Variants in FER1L5 observed in about 807,000 individuals in gnomAD.
FER1L5 encodes the protein fer-1-like protein 5.
A neutral mutation model predicts 279.9 loss-of-function variants in FER1L5; 187 were observed. That is an observed-to-expected ratio of 0.67 (90% CI 0.59 to 0.75). The LOEUF (loss-of-function observed/expected upper bound fraction) is 0.75, where lower values mean the gene tolerates loss of function less well. Among genes scored for constraint, FER1L5 ranks in the 30% least tolerant of loss-of-function variants. The pLI is 0.00. For synonymous variants in FER1L5, 921 were observed against 989.7 expected, an observed-to-expected ratio of 0.93 and a Z score of 1.30; for missense variants, 2,091 against 2,594.4, an observed-to-expected ratio of 0.81 and a Z score of 4.21.
intron 4 of FER1L5, 104 bp downstream of exon 4, chr2:96,647,990 C>T (rs2075209963): frequency 1.2e-6 from 1 of 805,718 alleles, no homozygotes. Context: ...GGGGCCCCAT[C>T]ACACTGCCTT....
rs190615159 is a variant in FER1L5 at position 96,652,177 on chromosome 2, G to A, written c.633+157G>A. ...CTGAGGGCCAAGCACTGAAAATACA[G>A]AACAGTATAACTCAGAGCCCTGTAT... is the stretch of plus-strand genomic sequence containing the variant. On this transcript the variant is annotated intron_variant, in intron 7 of 52. Transcript: ENST00000624922. 2.3e-3 allele frequency: 2,498 copies of A among 1,070,808 alleles called. 8 individuals carry two copies. Among genetic ancestry groups the A allele is most frequent in the Non-Finnish European group, 2.7e-3 (2,019 of 746,774 alleles). 66.3% of individuals were successfully genotyped at this position (1,070,808 alleles called of 1,614,324 possible).
chr2:96,693,745 G>A, intron 32 of FER1L5, 58 bp downstream of exon 32: 1 of 1,513,400 alleles, frequency 6.6e-7, no homozygotes, highest in Non-Finnish European at 8.9e-7. Context: ...GTGGCTGAGG[G>A]GATTTATTTT....
intron 4 of FER1L5, 142 bp from the exon 5 acceptor site, chr2:96,649,481 T>C: frequency 1.4e-6 from 1 of 710,558 alleles, no homozygotes; most frequent in Non-Finnish European, 2.4e-6. Flanking sequence ...CAGATGCCCA[T>C]GGTGTGGCCC....
At chr2:96,662,119 T>G in intron 12 of FER1L5, 96 bp from the exon 13 acceptor site, 1 of 1,281,164 alleles carries the variant, frequency 7.8e-7, no homozygotes, top group Non-Finnish European at 1.1e-6. Context: ...CCCCTCTAAA[T>G]TATAGGGGAG....
intron 19 of FER1L5, 150 bp downstream of exon 19, chr2:96,673,404 A>G: frequency 2.4e-6 from 2 of 824,206 alleles, no homozygotes; most frequent in Non-Finnish European, 3.4e-6. Context: ...AGGGAGGTGA[A>G]GTCATTTGCC....
Position 96,663,363 on chromosome 2 carries a change from A to G in FER1L5, c.1072-76A>G, listed in dbSNP as rs1474747255. On this transcript the variant is annotated intron_variant, in intron 13 of 52. Coordinates refer to ENST00000624922, the MANE Select transcript of FER1L5 (RefSeq NM_001293083.2). ...TGTGGTGTCCACTGGGAGGCTGGAC[A>G]GGAAGAGCTGGAAGGTGAGGTCAGT... 5.1e-6 allele frequency: 7 copies of G among 1,380,792 alleles called. No individual in the cohort carries two copies. In the African/African-American group the frequency reaches 1.0e-4, roughly 20 times the overall value. 85.5% of individuals were successfully genotyped at this position (1,380,792 alleles called of 1,614,324 possible).
intron 19 of FER1L5, among the ~76,000 whole-genome samples, chr2:96,683,447 G>A (rs1207394266): frequency 6.6e-6 from 1 of 152,070 alleles, no homozygotes; most frequent in Non-Finnish European, 1.5e-5. Flanking sequence ...CAGTCCTTAA[G>A]GGCCCACCCT....
rs764896079 is a variant in FER1L5, at chr2:96,702,012, C to A, written c.5128C>A (p.Gln1710Lys). The A allele has an allele frequency of 6.8e-6, 11 of 1,613,880 alleles. No homozygotes were observed. Among genetic ancestry groups the A allele is most frequent in the South Asian group, 3.3e-5 (3 of 91,084 alleles). Residue 1710 changes from glutamine to lysine, a missense_variant, in exon 46 of 53, where the codon CAA (glutamine) becomes AAA (lysine). Physicochemically the swap from Gln to Lys is moderately conservative, Grantham distance 53. Coordinates refer to ENST00000624922, the MANE Select transcript of FER1L5 (RefSeq NM_001293083.2). This position sits in a 1 kb window ranked among gnomAD's most constrained non-coding sequence, Gnocchi z 4.0. Reference protein sequence around the residue: ...FPKKLGPPGPQVNINPRKPKR... With the variant: ...FPKKLGPPGPKVNINPRKPKR... ...CAAGAAGCTGGGGCCTCCTGGCCCCCAAGTCAACATCAACCCCAGAAAGCC... is the reference window on the plus strand; with the variant it reads ...CAAGAAGCTGGGGCCTCCTGGCCCCAAAGTCAACATCAACCCCAGAAAGCC...
intron 1 of FER1L5, 56 bp downstream of exon 1, chr2:96,642,977 T>G: frequency 6.8e-7 from 1 of 1,473,354 alleles, no homozygotes; most frequent in Non-Finnish European, 9.1e-7. Flanking sequence ...GCAACATGGA[T>G]TCAGTGAAAA....
chr2:96,698,934 A>G lies in FER1L5; in HGVS notation c.4518+102A>G. The G allele has an allele frequency of 6.5e-7, 1 of 1,526,942 alleles. No homozygotes were observed. Among genetic ancestry groups the G allele is most frequent in the Non-Finnish European group, 8.9e-7 (1 of 1,126,266 alleles). The allele number at this position is 1,526,942 out of a possible 1,614,324, so 94.6% of individuals were successfully genotyped here. ...CTGACACACAGAATGCCAACTCCCC[A>G]TAGGCTCCGTGTGGTGCGAGGGGCT... On this transcript the variant is annotated intron_variant, in intron 41 of 52. Coordinates refer to ENST00000624922, the MANE Select transcript of FER1L5 (RefSeq NM_001293083.2). This position sits in a 1 kb window ranked among gnomAD's most constrained non-coding sequence, Gnocchi z 5.5.
chr2:96,646,616 C>T (rs1016717692), intron 2 of FER1L5, among the ~76,000 whole-genome samples, 163 bp downstream of exon 2: 3 of 152,130 alleles, frequency 2.0e-5, no homozygotes, highest in Admixed American at 6.5e-5. Flanking sequence ...GCCTCTGACC[C>T]GACAAGGCTG....
At chr2:96,692,310 C>G in intron 31 of FER1L5, 129 bp downstream of exon 31, 1 of 959,996 alleles carries the variant, frequency 1.0e-6, no homozygotes, top group Non-Finnish European at 1.6e-6. Flanking sequence ...GTCGGCCCCT[C>G]ACCAGCTGCA....
At chr2:96,673,698 A>G (rs2076410976) in intron 19 of FER1L5, among the ~76,000 whole-genome samples, 1 of 152,088 alleles carries the variant, frequency 6.6e-6, no homozygotes, top group Non-Finnish European at 1.5e-5. Context: ...TTGCACACCT[A>G]TATTGGGCAC....
intron 18 of FER1L5, among the ~76,000 whole-genome samples, chr2:96,671,825 T>C (rs545489951): frequency 1.3e-5 from 2 of 152,260 alleles, no homozygotes; most frequent in East Asian, 1.9e-4. Context: ...CAATCTTGAA[T>C]GTGGCAGAGA....
chr2:96,668,043 TAGAG>T lies in FER1L5; in HGVS notation c.1141-703_1141-700del, dbSNP rs745725631. On this transcript the variant is annotated intron_variant, in intron 14 of 52. Coordinates refer to ENST00000624922, the MANE Select transcript of FER1L5 (RefSeq NM_001293083.2). ...ACCCAGCTAATTTTTGTATTTTTTG[TAGAG>T]AGAGGATTTCATCATGTTGCCCAGG... is the stretch of plus-strand genomic sequence containing the variant. Among the ~76,000 whole-genome samples, 112 of 152,058 alleles carry T rather than the reference TAGAG, an allele frequency of 7.4e-4. 1 individual carries two copies. Among genetic ancestry groups the T allele is most frequent in the Non-Finnish European group, 1.2e-3 (82 of 67,954 alleles).
Position 96,651,763 on chromosome 2 carries a change from T to C in FER1L5, c.505-129T>C, listed in dbSNP as rs1016956621. 5.2e-6 allele frequency: 7 copies of C among 1,354,058 alleles called. No homozygotes were observed. In the Admixed American group the frequency reaches 6.8e-5, roughly 13 times the overall value. The allele number at this position is 1,354,058 out of a possible 1,614,324, so 83.9% of individuals were successfully genotyped here. On this transcript the variant is annotated intron_variant, in intron 6 of 52. Transcript: ENST00000624922. ...CTCAAGCGATTCTCCCACCTCGGCCTCCCAAAGTGCTGGGATTACAGGCAT... is the reference window on the plus strand; with the variant it reads ...CTCAAGCGATTCTCCCACCTCGGCCCCCCAAAGTGCTGGGATTACAGGCAT...
In FER1L5 at chr2:96,699,111, A is replaced by G; in HGVS notation, c.4585A>G (p.Asn1529Asp). The G allele has an allele frequency of 1.9e-6, 3 of 1,610,668 alleles. No individual in the cohort carries two copies. The highest frequency in any genetic ancestry group is 2.5e-6 in the Non-Finnish European group (3 of 1,178,552). The stretch of plus-strand genomic sequence containing the variant: ...TGGCAACCGGGACATGTACCAGCCC[A>G]ACACTCTGGATCCCATCTTTGGCAT... ...ELGNRDMYQPNTLDPIFGMMF... is the reference protein window; with the variant it reads ...ELGNRDMYQPDTLDPIFGMMF... The change falls in exon 42 of 53, where the codon AAC (asparagine) becomes GAC (aspartate). Residue 1529 changes from asparagine (N) to aspartate (D), a missense_variant. Physicochemically the swap from Asn to Asp is conservative, Grantham distance 23. Transcript: ENST00000624922.
chr2:96,643,080 C>G lies in FER1L5; in HGVS notation c.85+159C>G, dbSNP rs556940038. 2.0e-5 allele frequency among the ~76,000 whole-genome samples: 3 copies of G among 152,322 alleles called. No homozygotes were observed. The South Asian group carries it at 6.2e-4, about 32-fold the overall frequency. On this transcript the variant is annotated intron_variant, in intron 1 of 52. Coordinates refer to ENST00000624922, the MANE Select transcript of FER1L5 (RefSeq NM_001293083.2). The stretch of plus-strand genomic sequence containing the variant: ...CAGCTCTCTCAAAACTTATTGCTAT[C>G]ATTTGATTATGACTTCTCTGCCTCC...
Position 96,647,754 on chromosome 2 carries a change from C to T in FER1L5, c.231-24C>T. 2.0e-6 allele frequency: 3 copies of T among 1,519,838 alleles called. No individual in the cohort carries two copies. In the South Asian group the frequency reaches 3.6e-5, roughly 18 times the overall value. The allele number at this position is 1,519,838 out of a possible 1,614,324, so 94.1% of individuals were successfully genotyped here. ...CACTCTTTCCCCTGGCTCAGGATCT[C>T]ACATCTGCTCCTTGTCTCCCCAGAT... is the stretch of plus-strand genomic sequence containing the variant. On this transcript the variant is annotated intron_variant, in intron 3 of 52. Coordinates refer to ENST00000624922, the MANE Select transcript of FER1L5 (RefSeq NM_001293083.2).
Sources: gnomAD v4.1 joint callset for allele counts (sites outside exome capture counted in the v4.1 genomes callset) on GRCh38, gnomAD v4.1.1 for gene constraint, Gnocchi (gnomAD v3.1) non-coding constraint, MANE v1.5 for transcripts, NCBI Gene and HGNC (gene_info 2026-07-23, HGNC 2026-07-21) for gene names.